SETD4: variants seen among roughly 807,000 people sequenced by gnomAD.
SETD4 encodes the protein SET domain-containing protein 4.
Under a neutral mutation model 58.3 loss-of-function variants are expected in SETD4, and 46 were observed. The ratio of observed to expected loss-of-function variants is 0.79; its 90% CI spans 0.62 to 1.01. The LOEUF (loss-of-function observed/expected upper bound fraction) is 1.01, where lower values mean the gene tolerates loss of function less well. Ranked by LOEUF, SETD4 falls within the 50% of genes least tolerant of loss-of-function variation. The pLI, the probability that SETD4 is intolerant of heterozygous loss-of-function variation, is 0.00. For synonymous variants in SETD4, 190 were observed against 202.6 expected, an observed-to-expected ratio of 0.94 and a Z score of 0.53; for missense variants, 490 against 523.3, an observed-to-expected ratio of 0.94 and a Z score of 0.62.
chr21:36,041,679 T>C, intron 8 of SETD4, 128 bp downstream of exon 8: 2 of 630,784 alleles, frequency 3.2e-6, no homozygotes, highest in Non-Finnish European at 5.5e-6. Flanking sequence ...ACATAGTAAG[T>C]GCTCAATACC....
rs1409797026 is a variant in SETD4, at chr21:36,058,831, A to C, written c.58T>G (p.Ser20Ala). 1.2e-6 allele frequency: 2 copies of C among 1,601,228 alleles called. No homozygotes were observed. The highest frequency in any genetic ancestry group is 1.7e-6 in the Non-Finnish European group (2 of 1,175,738). The change falls in exon 2 of 12, where the codon TCT (serine) becomes GCT (alanine). Residue 20 changes from serine (S) to alanine (A), a missense_variant. Physicochemically the swap from Ser to Ala is moderately conservative, Grantham distance 99. Transcript: ENST00000332131. ...AAAACCATACCTCCTCTTGATTCAG[A>C]ACTTCCGCAGAGTTTTCGTCTTCTG... ...RIRRRKLCGS[S>A]ESRGVNESHK... is the part of the protein sequence containing the mutation.
rs972969338 is a variant in SETD4, at chr21:36,036,316, C to T, written c.1189-65G>A. ...ATATATATATATTTCACAGAACGTA[C>T]GTACCTTTTTAACCAATTTTAAGTG... is the stretch of plus-strand genomic sequence containing the variant. On this transcript the variant is annotated intron_variant, in intron 10 of 11. Transcript: ENST00000332131. 11 of 1,420,740 alleles carry T rather than the reference C, an allele frequency of 7.7e-6. No homozygotes were observed. In the African/African-American group the frequency reaches 1.3e-4, roughly 17 times the overall value. 88.0% of individuals were successfully genotyped at this position (1,420,740 alleles called of 1,614,324 possible). A position where few individuals can be genotyped will look rare whatever the true frequency, so the allele number is the denominator to read the frequency against.
rs1037663780 is a variant in SETD4, at chr21:36,043,780, A to G, written c.901+2T>C. The G allele has an allele frequency of 9.9e-6, 16 of 1,613,752 alleles. No individual in the cohort carries two copies. The highest frequency in any genetic ancestry group is 3.3e-5 in the Admixed American group (2 of 59,980). ...AATGTTAAGAACAAAGTTGATTCCA[A>G]CCTCTTGAGACATAAACACAAGCAT... On this transcript the variant is annotated splice_donor_variant, in intron 7 of 11. Transcript: ENST00000332131. LOFTEE classifies it high-confidence loss of function.
chr21:36,059,063 G>A (rs2123799770), intron 1 of SETD4, 139 bp from the exon 2 acceptor site: 1 of 1,055,212 alleles, frequency 9.5e-7, no homozygotes, highest in Non-Finnish European at 1.3e-6. Flanking sequence ...GTATGTTTTG[G>A]TAAACTGTTT....
chr21:36,045,356 GC>G (rs1444361419), intron 6 of SETD4, among the ~76,000 whole-genome samples: 1 of 152,202 alleles, frequency 6.6e-6, no homozygotes, highest in Non-Finnish European at 1.5e-5. Context: ...GGCTCTGTAG[GC>G]CTGAAGAGCA....
intron 2 of SETD4, among the ~76,000 whole-genome samples, chr21:36,057,751 C>T (rs1381517656): frequency 6.6e-6 from 1 of 152,192 alleles, no homozygotes; most frequent in Non-Finnish European, 1.5e-5. Flanking sequence ...ATTGTCAAAA[C>T]AGACACAAAT....
chr21:36,059,906 CG>C, intron 1 of SETD4: 1 of 985,394 alleles, frequency 1.0e-6, no homozygotes, highest in South Asian at 4.7e-5. Flanking sequence ...CAGACCGCGC[CG>C]GGAAGTGTCC....
At chr21:36,050,684 A>G in intron 4 of SETD4, 2 of 1,603,288 alleles carry the variant, frequency 1.2e-6, no homozygotes, top group Non-Finnish European at 1.7e-6. Context: ...TCCCAATGGT[A>G]GTAAAGAATA....
Position 36,045,616 on chromosome 21 carries a change from T to C in SETD4, c.692A>G (p.Tyr231Cys). The change falls in exon 6 of 12, where the codon TAC (tyrosine) becomes TGC (cysteine). Residue 231 changes from tyrosine (Y) to cysteine (C), a missense_variant. By Grantham distance (194) the Tyr-to-Cys change is radical. Coordinates refer to ENST00000332131, the MANE Select transcript of SETD4 (RefSeq NM_017438.5). The part of the protein sequence containing the change: ...AEPDTCALAP[Y>C]LDLLNHSPHV... ...TGGGCTATGATTCAGCAGGTCCAGG[T>C]ACGGAGCGAGTGCACAGGTGTCCGG... 1 of 1,614,060 alleles carries C rather than the reference T, an allele frequency of 6.2e-7. No homozygotes were observed.
chr21:36,038,940 G>C (rs865795965), intron 9 of SETD4, among the ~76,000 whole-genome samples: 1 of 152,104 alleles, frequency 6.6e-6, no homozygotes, highest in Admixed American at 6.5e-5. Flanking sequence ...AAGAACTACC[G>C]GGAGAAAGAC....
rs2063753180 is a variant in SETD4, at chr21:36,035,581, A to AG, written c.*411_*412insC. The AG allele has an allele frequency of 6.2e-6, 1 of 162,428 alleles. No homozygotes were observed. Among genetic ancestry groups the AG allele is most frequent in the Non-Finnish European group, 1.4e-5 (1 of 73,808 alleles). The allele number at this position is 162,428 out of a possible 1,614,324, so 10.1% of individuals were successfully genotyped here. The stretch of plus-strand genomic sequence containing the variant: ...ACAGGGAAGGGCTGGCGTCTGGGCC[A>AG]CCCTGGCGGGGATCCAGGACTACCT... On this transcript the variant is annotated 3_prime_UTR_variant, in exon 12 of 12. Transcript: ENST00000332131.
chr21:36,050,843 G>A (rs2064641313), intron 4 of SETD4: 1 of 1,611,086 alleles, frequency 6.2e-7, no homozygotes, highest in African/African-American at 1.3e-5. Flanking sequence ...TCATTGTCGT[G>A]GGAGGCCATG....
Position 36,045,569 on chromosome 21 carries a change from G to T in SETD4, c.726+13C>A, listed in dbSNP as rs1286425234. 1 of 1,608,730 alleles carries T rather than the reference G, an allele frequency of 6.2e-7. No individual in the cohort carries two copies. Among genetic ancestry groups the T allele is most frequent in the South Asian group, 1.1e-5 (1 of 91,008 alleles). On this transcript the variant is annotated intron_variant, in intron 6 of 11. Transcript: ENST00000332131. ...ATCCAAATAGAATAGCTGCTCCCTT[G>T]TCAGCTTCTCACCTGGACATGTGGG...
intron 5 of SETD4, among the ~76,000 whole-genome samples, chr21:36,046,674 T>C (rs1189120605): frequency 6.6e-6 from 1 of 152,224 alleles, no homozygotes; most frequent in Non-Finnish European, 1.5e-5. Flanking sequence ...TCTAAAGCTT[T>C]TATTCCTAAG....
At position 36,040,636 on chromosome 21, in the gene SETD4, C is replaced by T; in HGVS notation, c.1003G>A (p.Asp335Asn). Residue 335 changes from aspartate to asparagine, a missense_variant, in exon 9 of 12, where the codon GAT becomes AAT. Transcript: ENST00000332131. ...GTGAGTAGCCTCCAAGATGGTCCAT[C>T]CCATCCAAATGTCAAATTTCTGAAG... ...GYIENLTFGW[D>N]GPSWRLLTAL... The T allele has an allele frequency of 6.2e-7, 1 of 1,613,828 alleles. No individual in the cohort carries two copies. The highest frequency in any genetic ancestry group is 8.5e-7 in the Non-Finnish European group (1 of 1,179,772).
At chr21:36,048,937 A>C (rs1269129737) in intron 4 of SETD4, among the ~76,000 whole-genome samples, 1 of 151,970 alleles carries the variant, frequency 6.6e-6, no homozygotes, top group Non-Finnish European at 1.5e-5. Context: ...TCACTTTCTT[A>C]TGCCAGGAAA....
chr21:36,035,744 G>A lies in SETD4; in HGVS notation c.*249C>T, dbSNP rs926073490. 2.2e-5 allele frequency: 6 copies of A among 268,830 alleles called. No homozygotes were observed. The highest frequency in any genetic ancestry group is 1.9e-4 in the South Asian group (5 of 26,036). 16.7% of individuals were successfully genotyped at this position (268,830 alleles called of 1,614,324 possible). A position where few individuals can be genotyped will look rare whatever the true frequency, so the allele number is the denominator to read the frequency against. On this transcript the variant is annotated 3_prime_UTR_variant, in exon 12 of 12. Transcript: ENST00000332131. ...CCGTGGTGACAGACCACACACGGAC[G>A]CAGCTGGCTCCTGGCTGCCTCACAG... is the stretch of plus-strand genomic sequence containing the variant.
At chr21:36,050,222 T>C in intron 4 of SETD4, 1 of 1,233,544 alleles carries the variant, frequency 8.1e-7, no homozygotes. Context: ...TCAAGATCTG[T>C]AGTTACGTGG....
chr21:36,056,591 C>G (rs150561032), intron 3 of SETD4, among the ~76,000 whole-genome samples: 3 of 152,340 alleles, frequency 2.0e-5, no homozygotes, highest in African/African-American at 7.2e-5. Flanking sequence ...CAAGGTCTCA[C>G]TCTATCGCCC....
Sources: gnomAD v4.1 joint callset for allele counts (sites outside exome capture counted in the v4.1 genomes callset) on GRCh38, gnomAD v4.1.1 for gene constraint, MANE v1.5 for transcripts, NCBI Gene and HGNC (gene_info 2026-07-23, HGNC 2026-07-21) for gene names.